NDC80: variants seen among roughly 807,000 people sequenced by gnomAD.
NDC80 encodes NDC80 kinetochore complex component, also known as kinetochore protein NDC80 homolog.
A neutral mutation model predicts 89.3 loss-of-function variants in NDC80; 69 were observed. The observed-to-expected ratio is 0.77, with a 90% CI of 0.64 to 0.94. The LOEUF (loss-of-function observed/expected upper bound fraction) is 0.94, where lower values mean the gene tolerates loss of function less well. Ranked by LOEUF, NDC80 falls within the 40% of genes least tolerant of loss-of-function variation. NDC80 has a pLI of 0.00. For synonymous variants in NDC80, 243 were observed against 255.6 expected (o/e 0.95, Z 0.47); for missense variants, 593 against 739.6 (o/e 0.80, Z 2.30).
Position 2,616,454 on chromosome 18 carries a change from G to A in NDC80, c.1809G>A (p.Gln603=). ...TTCACTAGAAACATCTTGAGGAGCA[G>A]ATTGCTAAAGTTGATAGAGAATATG... The part of the protein sequence containing the change: ...VGSVEKHLEE[Q]IAKVDREYEE... Residue 603 remains glutamine (Q), a synonymous_variant, in exon 17 of 17, where the codon CAG becomes CAA. Coordinates refer to ENST00000261597, the MANE Select transcript of NDC80 (RefSeq NM_006101.3). 9 of 1,508,930 alleles carry A rather than the reference G, an allele frequency of 6.0e-6. No homozygotes were observed. The highest frequency in any genetic ancestry group is 8.0e-6 in the Non-Finnish European group (9 of 1,122,978). The allele number at this position is 1,508,930 out of a possible 1,614,324, so 93.5% of individuals were successfully genotyped here.
At chr18:2,611,043 G>A (rs2072741610) in intron 16 of NDC80, among the ~76,000 whole-genome samples, 182 bp downstream of exon 16, 1 of 129,196 alleles carries the variant, frequency 7.7e-6, no homozygotes, top group Non-Finnish European at 1.6e-5. Flanking sequence ...GAACACTTGA[G>A]CATTTTTTTT....
At position 2,587,897 on chromosome 18, in the gene NDC80, T is replaced by A; in HGVS notation, c.737T>A (p.Met246Lys). The A allele has an allele frequency of 6.2e-7, 1 of 1,613,802 alleles. No individual in the cohort carries two copies. Among genetic ancestry groups the A allele is most frequent in the Non-Finnish European group, 8.5e-7 (1 of 1,179,726 alleles). The change falls in exon 8 of 17, where the codon ATG (methionine) becomes AAG (lysine). Residue 246 changes from methionine (M) to lysine (K), a missense_variant. By Grantham distance (95) the Met-to-Lys change is moderately conservative (BLOSUM62 -1). Coordinates refer to ENST00000261597, the MANE Select transcript of NDC80 (RefSeq NM_006101.3). ...FMSGADSFDEMNAELQSKLKD... is the reference protein window; with the variant it reads ...FMSGADSFDEKNAELQSKLKD... ...AGTGGTGCCGACAGCTTTGATGAGA[T>A]GAATGCAGAGCTGCAGTCAAAACTG...
chr18:2,592,588 A>G (rs1298900744), intron 10 of NDC80, among the ~76,000 whole-genome samples: 1 of 151,646 alleles, frequency 6.6e-6, no homozygotes. Flanking sequence ...CAAACTCCTG[A>G]CCTCAGGTGA....
At chr18:2,601,708 C>A (rs116985656) in intron 13 of NDC80, among the ~76,000 whole-genome samples, 4 of 152,030 alleles carry the variant, frequency 2.6e-5, no homozygotes, top group Non-Finnish European at 5.9e-5. Context: ...CGAGATGAAA[C>A]TAAGTAAATT....
At chr18:2,573,723 G>A (rs537535626) in intron 2 of NDC80, among the ~76,000 whole-genome samples, 36 of 152,268 alleles carry the variant, frequency 2.4e-4, no homozygotes, top group South Asian at 1.0e-3. Flanking sequence ...TACATAGTAT[G>A]AGCCTATGTT....
chr18:2,611,348 C>T (rs1187962357), intron 16 of NDC80, among the ~76,000 whole-genome samples: 2 of 152,104 alleles, frequency 1.3e-5, no homozygotes, highest in African/African-American at 4.8e-5. Context: ...CGCACCCAGC[C>T]CACTTGTGCA....
rs1218838839 is a variant in NDC80, at chr18:2,593,045, TGTGTGTGTGTC to T, written c.1016-2370_1016-2360del. Among the ~76,000 whole-genome samples, 667 of 122,496 alleles carry T rather than the reference TGTGTGTGTGTC, an allele frequency of 5.4e-3. 5 individuals carry two copies. Among genetic ancestry groups the T allele is most frequent in the African/African-American group, 0.02 (573 of 29,222 alleles). The allele number at this position is 122,496 out of a possible 152,430, so 80.4% of individuals were successfully genotyped here. A position where few individuals can be genotyped will look rare whatever the true frequency, so the allele number is the denominator to read the frequency against. On this transcript the variant is annotated intron_variant, in intron 10 of 16. Coordinates refer to ENST00000261597, the MANE Select transcript of NDC80 (RefSeq NM_006101.3). ...GTGTGTGTGTGTGTGTGTGTGTGTG[TGTGTGTGTGTC>T]TTTTTTTTTTTTTTTTGAGTCAGAC... is the stretch of plus-strand genomic sequence containing the variant.
chr18:2,594,388 T>A (rs1209079244), intron 10 of NDC80: 1 of 156,544 alleles, frequency 6.4e-6, no homozygotes, highest in East Asian at 1.9e-4. Context: ...TCTTAAAAGT[T>A]AAAGCTACAT....
chr18:2,573,152 A>G, intron 2 of NDC80, 66 bp downstream of exon 2: 1 of 1,275,854 alleles, frequency 7.8e-7, no homozygotes, highest in Admixed American at 2.1e-5. Context: ...ATCATAAGAA[A>G]TAGTTAATAT....
chr18:2,607,226 A>G (rs550253565), intron 14 of NDC80, among the ~76,000 whole-genome samples: 24 of 152,308 alleles, frequency 1.6e-4, no homozygotes, highest in African/African-American at 5.5e-4. Context: ...AATATAAGAC[A>G]TTGGTAATCA....
intron 12 of NDC80, among the ~76,000 whole-genome samples, chr18:2,600,505 A>G (rs1184749080): frequency 6.6e-6 from 1 of 151,946 alleles, no homozygotes; most frequent in Non-Finnish European, 1.5e-5. Flanking sequence ...GCTACTCGGG[A>G]GGCTGAGGCA....
rs12456560 is a variant in NDC80 at position 2,595,444 on chromosome 18, G to T, written c.1044G>T (p.Glu348Asp). 0.13 allele frequency: 207,093 copies of T among 1,613,216 alleles called. 14,345 individuals carry two copies. The highest frequency in any genetic ancestry group is 0.17 in the Admixed American group (10,251 of 59,982). Residue 348 changes from glutamate (E) to aspartate (D), a missense_variant, in exon 11 of 17, where the codon GAG (glutamate) becomes GAT (aspartate). Glu to Asp is a conservative substitution (Grantham distance 45, BLOSUM62 2). Coordinates refer to ENST00000261597, the MANE Select transcript of NDC80 (RefSeq NM_006101.3). ...TAGAATGTGAAACAATAAAACAGGA[G>T]AACACTCGACTACAGAATATCATTG... ...VELECETIKQ[E>D]NTRLQNIIDN...
intron 3 of NDC80, among the ~76,000 whole-genome samples, chr18:2,577,082 G>T (rs1216755343): frequency 6.6e-6 from 1 of 152,114 alleles, no homozygotes; most frequent in East Asian, 1.9e-4. Flanking sequence ...CTTTAGAGAT[G>T]ATAGTAATTA....
At chr18:2,572,846 C>T in intron 1 of NDC80, 131 bp from the exon 2 acceptor site, 1 of 654,278 alleles carries the variant, frequency 1.5e-6, no homozygotes, top group Non-Finnish European at 2.6e-6. Context: ...AAAAGAGATA[C>T]CCCAGGGGAA....
At chr18:2,593,282 G>C (rs565448232) in intron 10 of NDC80, among the ~76,000 whole-genome samples, 86 of 151,940 alleles carry the variant, frequency 5.7e-4, no homozygotes, top group Non-Finnish European at 1.1e-3. Flanking sequence ...TCGAACTCCT[G>C]ACCTCAGGTG....
chr18:2,598,156 G>T (rs146004920), intron 11 of NDC80, among the ~76,000 whole-genome samples: 1 of 152,284 alleles, frequency 6.6e-6, no homozygotes, highest in East Asian at 1.9e-4. Context: ...GGTTAAGCAA[G>T]TTCCAACGTG....
intron 15 of NDC80, among the ~76,000 whole-genome samples, chr18:2,609,179 T>C (rs190063143): frequency 2.0e-3 from 300 of 152,304 alleles, no homozygotes; most frequent in African/African-American, 6.8e-3. Flanking sequence ...CTTTAATAAA[T>C]TCCACTGAGC....
intron 14 of NDC80, 117 bp downstream of exon 14, chr18:2,606,624 G>A (rs1350487027): frequency 7.7e-6 from 4 of 516,854 alleles, no homozygotes; most frequent in Non-Finnish European, 1.3e-5. Context: ...CCTATAATTT[G>A]TATCTTGGGT....
intron 7 of NDC80, among the ~76,000 whole-genome samples, chr18:2,585,464 A>C (rs950980367): frequency 4.6e-5 from 7 of 152,216 alleles, no homozygotes; most frequent in Admixed American, 1.3e-4. Context: ...TTTTATAATA[A>C]AGTATTGAAT....
Sources: allele counts gnomAD v4.1 joint callset (sites outside exome capture counted in the v4.1 genomes callset), GRCh38; gene constraint gnomAD v4.1.1; transcripts MANE v1.5; gene names NCBI Gene and HGNC (gene_info 2026-07-23, HGNC 2026-07-21).